UBR3: variants seen among roughly 807,000 people sequenced by gnomAD.
The protein encoded by UBR3 is ubiquitin protein ligase E3 component n-recognin 3, also known as E3 ubiquitin-protein ligase UBR3.
Under a neutral mutation model 243.2 loss-of-function variants are expected in UBR3, and 85 were observed. That is an observed-to-expected ratio of 0.35 (90% confidence interval 0.29 to 0.42). The LOEUF is 0.42. Among genes scored for constraint, UBR3 ranks in the 10% least tolerant of loss-of-function variants. UBR3 has a pLI of 1.00. For missense variants in UBR3, 1,686 were observed against 2,300.8 expected (o/e 0.73, Z 5.47); for synonymous variants, 748 against 799.8 (o/e 0.94, Z 1.09).
chr2:169,936,642 G>A (rs567530767), intron 19 of UBR3, among the ~76,000 whole-genome samples: 1 of 152,050 alleles, frequency 6.6e-6, no homozygotes, highest in African/African-American at 2.4e-5. Context: ...ATTTACATTA[G>A]GTATATCTCC....
At chr2:169,851,546 A>G (rs2082657195) in intron 1 of UBR3, among the ~76,000 whole-genome samples, 1 of 152,178 alleles carries the variant, frequency 6.6e-6, no homozygotes, top group Non-Finnish European at 1.5e-5. Flanking sequence ...TGGAGAAGTT[A>G]AAGATAATAG....
chr2:169,915,737 T>A (rs1391252896), intron 11 of UBR3, among the ~76,000 whole-genome samples: 1 of 152,260 alleles, frequency 6.6e-6, no homozygotes, highest in African/African-American at 2.4e-5. Context: ...GACTCCTTCA[T>A]CATAAAATTA....
chr2:170,006,762 T>C (rs1438777403), intron 27 of UBR3, among the ~76,000 whole-genome samples: 1 of 152,210 alleles, frequency 6.6e-6, no homozygotes, highest in African/African-American at 2.4e-5. Context: ...AAGAGTAAGA[T>C]ACTTAAACAG....
intron 31 of UBR3, among the ~76,000 whole-genome samples, chr2:170,030,918 A>C (rs1308804119): frequency 6.6e-6 from 1 of 152,094 alleles, no homozygotes; most frequent in East Asian, 1.9e-4. Flanking sequence ...TGAAGTCTCT[A>C]ATCTGTTGCC....
intron 10 of UBR3, among the ~76,000 whole-genome samples, chr2:169,907,625 T>G (rs2085068699): frequency 6.6e-6 from 1 of 152,122 alleles, no homozygotes; most frequent in Non-Finnish European, 1.5e-5. Context: ...TTTTCTAAGC[T>G]CTATATATCT....
intron 5 of UBR3, among the ~76,000 whole-genome samples, chr2:169,881,260 A>G (rs995817381): frequency 6.6e-6 from 1 of 151,608 alleles, no homozygotes; most frequent in African/African-American, 2.4e-5. Flanking sequence ...GCTCACTGCA[A>G]CCTCCACCTC....
chr2:170,018,789 G>T (rs1265093515), intron 30 of UBR3, among the ~76,000 whole-genome samples: 3 of 152,188 alleles, frequency 2.0e-5, no homozygotes. Flanking sequence ...GGAAAAAGCA[G>T]ATGTAAAAAT....
rs1157836206 is a variant in UBR3, at chr2:169,997,446, C to T, written c.3918+2990C>T. Reference sequence around the variant, plus strand: ...AGAGACACCAGCAACCACAGAGCCCCAAGGGGGTGTCACAGCTTCTGCTTG... The same window carrying T: ...AGAGACACCAGCAACCACAGAGCCCTAAGGGGGTGTCACAGCTTCTGCTTG... On this transcript the variant is annotated intron_variant, in intron 26 of 38. Coordinates refer to ENST00000272793, the MANE Select transcript of UBR3 (RefSeq NM_172070.4). Among the ~76,000 whole-genome samples the T allele has an allele frequency of 3.9e-5, 6 of 152,044 alleles. 1 individual carries two copies. The highest frequency in any genetic ancestry group is 1.2e-4 in the African/African-American group (5 of 41,410).
intron 11 of UBR3, among the ~76,000 whole-genome samples, chr2:169,920,555 A>T (rs1261363345): frequency 1.3e-5 from 2 of 152,166 alleles, no homozygotes; most frequent in Non-Finnish European, 1.5e-5. Flanking sequence ...TGGAAATCTG[A>T]ATAGGAACTC....
At chr2:169,902,631 A>G (rs1273477773) in intron 8 of UBR3, among the ~76,000 whole-genome samples, 4 of 135,850 alleles carry the variant, frequency 2.9e-5, no homozygotes, top group African/African-American at 5.6e-5. Flanking sequence ...TTTTTTTGAG[A>G]TGGAGCCTTG....
At chr2:169,907,560 G>T (rs2085066321) in intron 10 of UBR3, among the ~76,000 whole-genome samples, 1 of 151,814 alleles carries the variant, frequency 6.6e-6, no homozygotes, top group South Asian at 2.1e-4. Flanking sequence ...TTTCTTAACT[G>T]GTTTTCGTGT....
At chr2:170,031,171 G>C (rs915208642) in intron 31 of UBR3, among the ~76,000 whole-genome samples, 3 of 152,024 alleles carry the variant, frequency 2.0e-5, no homozygotes, top group African/African-American at 7.2e-5. Flanking sequence ...TCAAACTCCT[G>C]GGCTCAAGCA....
intron 1 of UBR3, among the ~76,000 whole-genome samples, chr2:169,845,079 C>G (rs1269370954): frequency 6.6e-6 from 1 of 152,032 alleles, no homozygotes; most frequent in Non-Finnish European, 1.5e-5. Context: ...TTCAAAATAT[C>G]TTCTATTTTC....
At chr2:170,001,489 C>T (rs1559174594) in intron 27 of UBR3, 75 bp downstream of exon 27, 1 of 833,926 alleles carries the variant, frequency 1.2e-6, no homozygotes, top group Non-Finnish European at 2.0e-6. Context: ...GTATATACAT[C>T]CCAATTCCAG....
At chr2:169,974,222 G>C (rs1559148611) in intron 24 of UBR3, among the ~76,000 whole-genome samples, 1 of 152,058 alleles carries the variant, frequency 6.6e-6, no homozygotes, top group Non-Finnish European at 1.5e-5. Context: ...TTATTTTTCT[G>C]GAAGAGTTTG....
rs1424191949 is a variant in UBR3, at chr2:170,015,099, T to G, written c.4368-182T>G. The stretch of plus-strand genomic sequence containing the variant: ...GAACATATAAGTAAGGATGGATAAA[T>G]TGTTCCCTTTGTATTTCTAAATATC... On this transcript the variant is annotated intron_variant, in intron 29 of 38. Transcript: ENST00000272793. 5.9e-6 allele frequency: 3 copies of G among 506,770 alleles called. No homozygotes were observed. In the East Asian group the frequency reaches 9.5e-5, roughly 16 times the overall value. 31.4% of individuals were successfully genotyped at this position (506,770 alleles called of 1,614,324 possible). A position where few individuals can be genotyped will look rare whatever the true frequency, so the allele number is the denominator to read the frequency against.
Position 169,914,163 on chromosome 2 carries a change from T to C in UBR3, c.1866+17T>C. Reference sequence around the variant, plus strand: ...GTAGACGAGGTATGTATATTTTTGATGTATGTAAATTTTTTGATGTATGTA... The same window carrying C: ...GTAGACGAGGTATGTATATTTTTGACGTATGTAAATTTTTTGATGTATGTA... On this transcript the variant is annotated intron_variant, in intron 11 of 38. Coordinates refer to ENST00000272793, the MANE Select transcript of UBR3 (RefSeq NM_172070.4). 1 of 1,424,968 alleles carries C rather than the reference T, an allele frequency of 7.0e-7. No individual in the cohort carries two copies. 88.3% of individuals were successfully genotyped at this position (1,424,968 alleles called of 1,614,324 possible).
chr2:170,078,950 C>G (rs1473502144), intron 36 of UBR3, among the ~76,000 whole-genome samples: 1 of 152,166 alleles, frequency 6.6e-6, no homozygotes, highest in Non-Finnish European at 1.5e-5. Context: ...TCCATGGACA[C>G]TTAATCCATG....
intron 32 of UBR3, 93 bp from the exon 33 acceptor site, chr2:170,055,367 T>C: frequency 1.4e-6 from 2 of 1,436,144 alleles, no homozygotes; most frequent in Non-Finnish European, 1.9e-6. Context: ...CAAAAACCAA[T>C]TACATATGCA....
Sources: allele counts gnomAD v4.1 joint callset (sites outside exome capture counted in the v4.1 genomes callset), GRCh38; gene constraint gnomAD v4.1.1; transcripts MANE v1.5; gene names NCBI Gene and HGNC (gene_info 2026-07-23, HGNC 2026-07-21).